NAV2: variants seen among roughly 807,000 people sequenced by gnomAD.
NAV2 encodes helicase, APC down-regulated 1.
NAV2 carries 54 observed loss-of-function variants against 223.2 expected under a neutral mutation model. The observed-to-expected ratio is 0.24, with a 90% CI of 0.19 to 0.30. The LOEUF (loss-of-function observed/expected upper bound fraction) is 0.30, where lower values mean the gene tolerates loss of function less well. Among genes scored for constraint, NAV2 ranks in the 10% least tolerant of loss-of-function variants. The probability of loss-of-function intolerance (pLI) is 1.00; values close to 1 mark genes in which losing one functional copy is unlikely to be tolerated. For synonymous variants in NAV2, 1,279 were observed against 1,239.3 expected (o/e 1.03, Z -0.67); for missense variants, 2,806 against 3,147.5 (o/e 0.89, Z 2.60).
At chr11:19,475,268 T>C (rs1259691800) in intron 1 of NAV2, among the ~76,000 whole-genome samples, 1 of 152,254 alleles carries the variant, frequency 6.6e-6, no homozygotes, top group Non-Finnish European at 1.5e-5. Context: ...GTGGTTTTTC[T>C]GTCCTCTTGT....
chr11:19,350,976 C>A, exon 1 of NAV2: 1 of 1,551,650 alleles, frequency 6.4e-7, no homozygotes, highest in African/African-American at 1.4e-5. Flanking sequence ...CTGAGTCCAG[C>A]CAACAGCAGA....
intron 1 of NAV2, chr11:19,518,744 G>C (rs577125370): frequency 6.6e-6 from 1 of 152,364 alleles, no homozygotes; most frequent in African/African-American, 2.4e-5. Context: ...ACGTGTAAGA[G>C]CTTACAGAGT....
At chr11:19,813,973 G>A (rs948502965) in intron 1 of NAV2, among the ~76,000 whole-genome samples, 13 of 152,144 alleles carry the variant, frequency 8.5e-5, no homozygotes, top group Admixed American at 5.9e-4. Flanking sequence ...CAGAGACCAC[G>A]AGCCCTCCAA....
intron 1 of NAV2, among the ~76,000 whole-genome samples, chr11:19,460,271 G>C (rs557204484): frequency 1.3e-5 from 2 of 152,156 alleles, no homozygotes; most frequent in Non-Finnish European, 2.9e-5. Context: ...AAGAATGTGG[G>C]GTTGGGCTTT....
intron 30 of NAV2, 68 bp downstream of exon 30, chr11:20,095,835 G>T: frequency 5.9e-6 from 7 of 1,185,368 alleles, no homozygotes; most frequent in Non-Finnish European, 8.9e-6. Flanking sequence ...GGGAGGAAAA[G>T]AGAGGTTGAT....
chr11:20,094,223 C>CTTTTTTTT (rs61099684), intron 29 of NAV2, among the ~76,000 whole-genome samples: 9 of 88,520 alleles, frequency 1.0e-4, no homozygotes, highest in African/African-American at 3.3e-4. Flanking sequence ...TTTTCTTTAT[C>CTTTTTTTT]TTTTTTTTTT....
rs118148728 is a variant in NAV2 at position 19,768,912 on chromosome 11, A to G, written c.267+54950A>G. Among the ~76,000 whole-genome samples, 423 of 152,324 alleles carry G rather than the reference A, an allele frequency of 2.8e-3. 2 individuals carry two copies. Among genetic ancestry groups the G allele is most frequent in the East Asian group, 0.015 (79 of 5,190 alleles). ...TTTGCTAATAATAACATTATTGTGT[A>G]AAGTCCACTTGTCTTGAGAACCTAT... On this transcript the variant is annotated intron_variant, in intron 1 of 37. Coordinates refer to ENST00000349880, the MANE Select transcript of NAV2 (RefSeq NM_145117.5).
chr11:20,026,562 G>A (rs1468631886), intron 11 of NAV2, among the ~76,000 whole-genome samples: 3 of 152,076 alleles, frequency 2.0e-5, no homozygotes, highest in Admixed American at 6.6e-5. Flanking sequence ...CACCCGCCTC[G>A]GCCTCCCAAA....
intron 7 of NAV2, among the ~76,000 whole-genome samples, chr11:19,937,037 C>G (rs1188042948): frequency 6.6e-6 from 1 of 152,114 alleles, no homozygotes; most frequent in African/African-American, 2.4e-5. Flanking sequence ...ACTCCGGAGG[C>G]TGAGGCATGA....
intron 11 of NAV2, among the ~76,000 whole-genome samples, chr11:19,999,563 G>A (rs1405367573): frequency 6.6e-6 from 1 of 152,196 alleles, no homozygotes; most frequent in East Asian, 1.9e-4. Context: ...TAGAGATGGG[G>A]TTTCACCATG....
Position 20,045,668 on chromosome 11 carries a change from C to T in NAV2, c.3900C>T (p.Arg1300=), listed in dbSNP as rs765785712. Reference sequence around the variant, plus strand: ...CAGATGTGGCCTCTCCCACACTCCGCAGGTAAGTGAGTACATAAATGGTGC... The same window carrying T: ...CAGATGTGGCCTCTCCCACACTCCGTAGGTAAGTGAGTACATAAATGGTGC... ...KYPDVASPTL[R]RLFGGKPTKQ... is the part of the protein sequence containing the mutation. Residue 1300 remains arginine (R), a splice_region_variant and synonymous_variant, in exon 14 of 38, where the codon CGC becomes CGT. Transcript: ENST00000349880. 3.1e-6 allele frequency: 5 copies of T among 1,610,670 alleles called. No individual in the cohort carries two copies. Among genetic ancestry groups the T allele is most frequent in the African/African-American group, 1.3e-5 (1 of 74,852 alleles).
chr11:19,936,709 G>T (rs1048429871), intron 7 of NAV2, among the ~76,000 whole-genome samples: 2 of 152,206 alleles, frequency 1.3e-5, no homozygotes, highest in Admixed American at 1.3e-4. Flanking sequence ...GATCGAGTGT[G>T]GGTACAGAGT....
chr11:19,950,951 T>C (rs907082784), intron 10 of NAV2, among the ~76,000 whole-genome samples: 4 of 152,236 alleles, frequency 2.6e-5, no homozygotes, highest in Admixed American at 6.5e-5. Context: ...AAGGTTCTTC[T>C]TGGCCCTTCT....
intron 1 of NAV2, among the ~76,000 whole-genome samples, chr11:19,759,190 C>T (rs2054516314): frequency 6.7e-6 from 1 of 149,088 alleles, no homozygotes; most frequent in African/African-American, 2.5e-5. Flanking sequence ...CCACGCCATT[C>T]TCCTGTCTCA....
chr11:19,589,846 T>C (rs1188783207), intron 1 of NAV2, among the ~76,000 whole-genome samples: 1 of 151,976 alleles, frequency 6.6e-6, no homozygotes, highest in African/African-American at 2.4e-5. Context: ...AGGCACACTG[T>C]AGGGTAGAGA....
chr11:20,065,258 C>A (rs1014308844), intron 20 of NAV2, among the ~76,000 whole-genome samples: 1 of 152,176 alleles, frequency 6.6e-6, no homozygotes, highest in Admixed American at 6.5e-5. Flanking sequence ...GAAAAGAGAT[C>A]TTTGAAATGT....
chr11:19,929,822 G>C (rs912669355), intron 6 of NAV2, among the ~76,000 whole-genome samples: 5 of 152,114 alleles, frequency 3.3e-5, no homozygotes, highest in Admixed American at 2.0e-4. Context: ...GAGTCAGGGC[G>C]GGGAGTCTCT....
rs192717313 is a variant in NAV2 at position 19,363,488 on chromosome 11, G to A, written c.75+12461G>A. Among the ~76,000 whole-genome samples, 35 of 152,236 alleles carry A rather than the reference G, an allele frequency of 2.3e-4. No individual in the cohort carries two copies. In the East Asian group the frequency reaches 5.2e-3, roughly 23 times the overall value. ...TTCCCTGATATCCCCCAGCTAATAC[G>A]TGATGAAACTGAAATTCAAACCCAA... On this transcript the variant is annotated intron_variant, in intron 1 of 37. Transcript: ENST00000360655.
Position 19,569,099 on chromosome 11 carries a change from T to A in NAV2, c.75+218072T>A, listed in dbSNP as rs1005712285. On this transcript the variant is annotated intron_variant, in intron 1 of 37. Transcript: ENST00000360655. ...GGGAATGGTAAATGATTTTTCTTCT[T>A]GTTCTGTACTTTTTAAATTTATAAA... 5.9e-5 allele frequency among the ~76,000 whole-genome samples: 9 copies of A among 152,354 alleles called. 1 individual carries two copies. The South Asian group carries it at 1.9e-3, about 32-fold the overall frequency.
Sources: allele counts gnomAD v4.1 joint callset (sites outside exome capture counted in the v4.1 genomes callset), GRCh38; gene constraint gnomAD v4.1.1; transcripts MANE v1.5; gene names NCBI Gene and HGNC (gene_info 2026-07-23, HGNC 2026-07-21).